RPS6KA1: variants seen among roughly 807,000 people sequenced by gnomAD.
The protein encoded by RPS6KA1 is ribosomal protein S6 kinase alpha-1.
RPS6KA1 carries 48 observed loss-of-function variants against 91.3 expected under a neutral mutation model. That is an observed-to-expected ratio of 0.53 (90% CI 0.42 to 0.67). RPS6KA1 has a LOEUF of 0.67. Among genes scored for constraint, RPS6KA1 ranks in the 30% least tolerant of loss-of-function variants. The probability of loss-of-function intolerance (pLI) is 0.00; values close to 1 mark genes in which losing one functional copy is unlikely to be tolerated. For missense variants in RPS6KA1, 719 were observed against 960.5 expected (o/e 0.75, Z 3.32); for synonymous variants, 359 against 384.7 (o/e 0.93, Z 0.78).
intron 2 of RPS6KA1, among the ~76,000 whole-genome samples, chr1:26,546,637 C>G (rs570879301): frequency 6.6e-6 from 1 of 152,230 alleles, no homozygotes; most frequent in Non-Finnish European, 1.5e-5. Context: ...TTGGGCCTAA[C>G]CAGGCCAGAG....
chr1:26,554,304 C>T lies in RPS6KA1; in HGVS notation c.613+53C>T, dbSNP rs2076079562. 2.6e-6 allele frequency: 4 copies of T among 1,522,504 alleles called. No homozygotes were observed. The African/African-American group carries it at 5.5e-5, about 21-fold the overall frequency. 94.3% of individuals were successfully genotyped at this position (1,522,504 alleles called of 1,614,324 possible). On this transcript the variant is annotated intron_variant, in intron 8 of 21. Transcript: ENST00000374168. This position sits in a 1 kb window ranked among gnomAD's most constrained non-coding sequence, Gnocchi z 4.6. ...GACCCAGGGGAGGACAGGACAAGGT[C>T]ATGATAGGTCTCGGCTGAGTGCTGG...
chr1:26,544,076 T>C (rs757110046), intron 2 of RPS6KA1: 1 of 456,150 alleles, frequency 2.2e-6, no homozygotes, highest in South Asian at 1.5e-5. Flanking sequence ...CCACCCCAGG[T>C]ACAGCAGCAA....
intron 17 of RPS6KA1, among the ~76,000 whole-genome samples, chr1:26,564,346 C>T (rs1208492563): frequency 1.3e-5 from 2 of 152,170 alleles, no homozygotes; most frequent in African/African-American, 4.8e-5. Context: ...GCAAGCTCCG[C>T]CTCCCAGGTT....
chr1:26,573,173 G>A (rs1557518773), intron 20 of RPS6KA1, 51 bp from the exon 21 acceptor site: 19 of 1,594,518 alleles, frequency 1.2e-5, no homozygotes, highest in East Asian at 4.5e-5. Flanking sequence ...CCCATCAGGG[G>A]CCTGCTCCCC....
chr1:26,532,916 C>T (rs781030795), intron 1 of RPS6KA1, among the ~76,000 whole-genome samples: 43 of 152,170 alleles, frequency 2.8e-4, no homozygotes, highest in Non-Finnish European at 4.1e-4. Flanking sequence ...CCAAAGGACT[C>T]CTAAGACAAA....
At chr1:26,543,952 C>A in intron 2 of RPS6KA1, 1 of 405,342 alleles carries the variant, frequency 2.5e-6, no homozygotes, top group Non-Finnish European at 5.1e-6. Context: ...CAGGTCTTGG[C>A]ATAGGAGGAA....
At chr1:26,560,923 G>A (rs531035156) in intron 15 of RPS6KA1, 72 bp downstream of exon 15, 8 of 1,609,750 alleles carry the variant, frequency 5.0e-6, no homozygotes, top group Non-Finnish European at 6.8e-6. Flanking sequence ...GGGGAGGGAT[G>A]GTGCCTGAGC....
chr1:26,549,690 C>CTTT (rs561375723), intron 4 of RPS6KA1, among the ~76,000 whole-genome samples: 285 of 101,680 alleles, frequency 2.8e-3, no homozygotes, highest in Middle Eastern at 7.4e-3. Context: ...AAAGCCTGTT[C>CTTT]TTTTTTTTTT....
intron 17 of RPS6KA1, among the ~76,000 whole-genome samples, chr1:26,567,645 C>A (rs896773869): frequency 6.6e-6 from 1 of 152,144 alleles, no homozygotes. Flanking sequence ...TTCCAAAGTG[C>A]TGGGATTACA....
At chr1:26,537,114 C>G in intron 2 of RPS6KA1, 145 bp downstream of exon 2, 1 of 816,902 alleles carries the variant, frequency 1.2e-6, no homozygotes, top group Non-Finnish European at 2.0e-6. Flanking sequence ...TTGTGGCAAC[C>G]CTGGGCATAG....
intron 12 of RPS6KA1, 106 bp downstream of exon 12, chr1:26,556,824 G>A: frequency 2.9e-6 from 4 of 1,386,724 alleles, no homozygotes; most frequent in Non-Finnish European, 4.1e-6. Flanking sequence ...CCAGACGCAG[G>A]AGCAGAGGGT....
At chr1:26,546,111 A>G in intron 2 of RPS6KA1, 1 of 1,523,392 alleles carries the variant, frequency 6.6e-7, no homozygotes, top group Non-Finnish European at 8.9e-7. Flanking sequence ...AGCTTAACAT[A>G]AGCTGGCTTT....
At chr1:26,549,549 A>T (rs1034595997) in intron 4 of RPS6KA1, among the ~76,000 whole-genome samples, 5 of 151,902 alleles carry the variant, frequency 3.3e-5, no homozygotes, top group African/African-American at 7.2e-5. Context: ...AGCTTGGGTG[A>T]CAGAGTGAGA....
chr1:26,564,413 C>T (rs447743), intron 17 of RPS6KA1, among the ~76,000 whole-genome samples: 52,593 of 151,626 alleles, frequency 0.35, 10,012 homozygotes, highest in East Asian at 0.75. Flanking sequence ...CGCACACCGC[C>T]ACACCCAGCT....
At chr1:26,545,944 T>C in intron 2 of RPS6KA1, 1 of 1,599,562 alleles carries the variant, frequency 6.3e-7, no homozygotes, top group East Asian at 2.3e-5. Flanking sequence ...CTCTGGGCCC[T>C]GATCCCCTGG....
chr1:26,561,026 A>G lies in RPS6KA1; in HGVS notation c.1342-19A>G. ...GACCCTGTCACCCTGACACTGCCAC[A>G]TGCACCCCCTTTCTTCAGGTCATTG... On this transcript the variant is annotated intron_variant, in intron 15 of 21. Transcript: ENST00000374168. This position sits in a 1 kb window ranked among gnomAD's most constrained non-coding sequence, Gnocchi z 5.7. 1 of 1,611,988 alleles carries G rather than the reference A, an allele frequency of 6.2e-7. No homozygotes were observed. The highest frequency in any genetic ancestry group is 8.5e-7 in the Non-Finnish European group (1 of 1,178,686).
At chr1:26,531,907 C>T (rs562224547) in intron 1 of RPS6KA1, among the ~76,000 whole-genome samples, 5 of 152,282 alleles carry the variant, frequency 3.3e-5, no homozygotes, top group East Asian at 3.9e-4. Flanking sequence ...AGGGCAGCCA[C>T]GGCGCAGGTT....
In RPS6KA1 at chr1:26,571,125, A is replaced by G; in HGVS notation, c.1591-324A>G. The G allele has an allele frequency of 4.3e-6, 1 of 232,368 alleles. No homozygotes were observed. The allele number at this position is 232,368 out of a possible 1,614,324, so 14.4% of individuals were successfully genotyped here. A position where few individuals can be genotyped will look rare whatever the true frequency, so the allele number is the denominator to read the frequency against. On this transcript the variant is annotated intron_variant, in intron 17 of 21. Coordinates refer to ENST00000374168, the MANE Select transcript of RPS6KA1 (RefSeq NM_002953.4). The surrounding 1 kb of genome is among the most constrained non-coding windows in gnomAD (Gnocchi z 5.1). ...TGACAGAGGAAGACTCCATCTCAAA[A>G]AAAAAAGACTTTTAAGATTTTGACC...
chr1:26,531,014 G>A, intron 1 of RPS6KA1: 1 of 766,364 alleles, frequency 1.3e-6, no homozygotes, highest in Non-Finnish European at 1.7e-6. Flanking sequence ...TGGAGCCCCT[G>A]TCTCAGTCCC....
Sources: gnomAD v4.1 joint callset for allele counts (sites outside exome capture counted in the v4.1 genomes callset) on GRCh38, gnomAD v4.1.1 for gene constraint, Gnocchi (gnomAD v3.1) non-coding constraint, MANE v1.5 for transcripts, NCBI Gene and HGNC (gene_info 2026-07-23, HGNC 2026-07-21) for gene names.